The following C8orf76 variants were observed in gnomAD, a reference collection of about 807,000 sequenced individuals.
The protein encoded by C8orf76 is uncharacterized protein C8orf76.
A neutral mutation model predicts 38.1 loss-of-function variants in C8orf76; 46 were observed. The ratio of observed to expected loss-of-function variants is 1.21; its 90% CI spans 0.95 to 1.54. The LOEUF is 1.54. C8orf76 is among the 40% of genes most tolerant of loss of function. C8orf76 has a pLI of 0.00. For missense variants in C8orf76, 461 were observed against 441.6 expected (o/e 1.04, Z -0.39); for synonymous variants, 166 against 167.5 (o/e 0.99, Z 0.07).
In C8orf76 at chr8:123,231,179, G is replaced by A. The variant is rs73341737; in HGVS notation, c.815+121C>T. The A allele has an allele frequency of 2.0e-4, 253 of 1,281,098 alleles. 2 individuals carry two copies. The African/African-American group carries it at 3.6e-3, about 18-fold the overall frequency. 79.4% of individuals were successfully genotyped at this position (1,281,098 alleles called of 1,614,324 possible). ...ATGACAAACGTTCAACACAACCATA[G>A]GAAAATTTCAAAAATATATACCAAA... On this transcript the variant is annotated intron_variant, in intron 4 of 5. Transcript: ENST00000276704.
At chr8:123,225,412 A>G (rs1825009757) in intron 5 of C8orf76, among the ~76,000 whole-genome samples, 1 of 152,194 alleles carries the variant, frequency 6.6e-6, no homozygotes, top group Non-Finnish European at 1.5e-5. Flanking sequence ...TGTCCCAGAG[A>G]TGAGACTAGA....
In C8orf76 at chr8:123,232,271, C is replaced by T. The variant is rs1825299182; in HGVS notation, c.358-514G>A. ...CAGGATAGCCCTGAAGCTCTCCATG[C>T]TTCATGACGCATTCTAATTGAATCC... On this transcript the variant is annotated intron_variant, in intron 3 of 5. Coordinates refer to ENST00000276704, the MANE Select transcript of C8orf76 (RefSeq NM_032847.3). 2.0e-5 allele frequency among the ~76,000 whole-genome samples: 3 copies of T among 152,240 alleles called. No homozygotes were observed. The South Asian group carries it at 6.2e-4, about 32-fold the overall frequency.
At chr8:123,237,475 A>T (rs977962243) in intron 3 of C8orf76, among the ~76,000 whole-genome samples, 2 of 152,214 alleles carry the variant, frequency 1.3e-5, no homozygotes, top group African/African-American at 4.8e-5. Flanking sequence ...AACGTCTAAA[A>T]ACAATCTAAC....
At chr8:123,237,314 GA>G (rs895900281) in intron 3 of C8orf76, among the ~76,000 whole-genome samples, 27 of 151,822 alleles carry the variant, frequency 1.8e-4, no homozygotes, top group African/African-American at 6.0e-4. Flanking sequence ...GTTGACTGGG[GA>G]AAAGGAAAAA....
At chr8:123,226,344 C>T (rs898609952) in intron 5 of C8orf76, 156 bp downstream of exon 5, 7 of 1,470,026 alleles carry the variant, frequency 4.8e-6, no homozygotes, top group East Asian at 2.5e-5. Flanking sequence ...ATCAAGAGGC[C>T]GCCTTGGTGA....
At chr8:123,223,307 G>T (rs1410375220) in intron 5 of C8orf76, among the ~76,000 whole-genome samples, 2 of 152,118 alleles carry the variant, frequency 1.3e-5, no homozygotes, top group African/African-American at 4.8e-5. Flanking sequence ...ATACCCAAAA[G>T]AATTAAAAAC....
chr8:123,237,304 G>A (rs1470601946), intron 3 of C8orf76, among the ~76,000 whole-genome samples: 2 of 151,962 alleles, frequency 1.3e-5, no homozygotes, highest in South Asian at 2.1e-4. Flanking sequence ...TGTCCCTTTC[G>A]TTGACTGGGG....
chr8:123,223,609 A>G (rs1156685911), intron 5 of C8orf76, among the ~76,000 whole-genome samples: 2 of 152,326 alleles, frequency 1.3e-5, no homozygotes, highest in East Asian at 3.9e-4. Context: ...CTCCGTCTCA[A>G]ACAAAAAAAA....
chr8:123,232,063 C>T (rs964919164), intron 3 of C8orf76, among the ~76,000 whole-genome samples: 6 of 152,172 alleles, frequency 3.9e-5, no homozygotes, highest in African/African-American at 1.4e-4. Context: ...CATTTATTTC[C>T]AATTTTTATT....
intron 5 of C8orf76, chr8:123,226,094 C>T: frequency 1.0e-6 from 1 of 980,608 alleles, no homozygotes; most frequent in Non-Finnish European, 1.2e-6. Flanking sequence ...TGACCGCAGG[C>T]AAGTCACAAG....
intron 1 of C8orf76, 159 bp from the exon 2 acceptor site, chr8:123,239,303 C>T: frequency 1.5e-6 from 1 of 666,144 alleles, no homozygotes; most frequent in Non-Finnish European, 2.4e-6. Flanking sequence ...AGTGATCCTG[C>T]CTCTGCCCAC....
chr8:123,241,148 G>T, intron 1 of C8orf76, 82 bp downstream of exon 1: 1 of 1,384,180 alleles, frequency 7.2e-7, no homozygotes, highest in Non-Finnish European at 9.5e-7. Context: ...CGCGCGGACG[G>T]AGGGGCCGAG....
intron 1 of C8orf76, among the ~76,000 whole-genome samples, chr8:123,240,524 A>C (rs1452560108): frequency 3.3e-5 from 5 of 152,254 alleles, no homozygotes; most frequent in Non-Finnish European, 7.3e-5. Flanking sequence ...AAGAATAGGA[A>C]GTAATACTCT....
intron 3 of C8orf76, among the ~76,000 whole-genome samples, chr8:123,232,700 G>T (rs1013290982): frequency 5.3e-5 from 8 of 152,218 alleles, no homozygotes; most frequent in African/African-American, 1.9e-4. Context: ...TGAGTGAAAA[G>T]ATAGGAGATA....
intron 5 of C8orf76, among the ~76,000 whole-genome samples, chr8:123,224,938 A>G (rs1824990677): frequency 6.6e-6 from 1 of 152,204 alleles, no homozygotes; most frequent in Non-Finnish European, 1.5e-5. Context: ...CACAGAGCAG[A>G]ATATTCCGGA....
intron 5 of C8orf76, among the ~76,000 whole-genome samples, chr8:123,221,809 G>A (rs1350268220): frequency 2.0e-5 from 3 of 152,084 alleles, no homozygotes; most frequent in South Asian, 2.1e-4. Context: ...CTTGGGAGGC[G>A]GAGGTGGGAA....
chr8:123,224,590 A>G (rs139965083), intron 5 of C8orf76, among the ~76,000 whole-genome samples: 179 of 152,332 alleles, frequency 1.2e-3, no homozygotes, highest in African/African-American at 4.1e-3. Context: ...TAGCCTGAGT[A>G]ACAGAATGAG....
At chr8:123,223,435 C>T (rs1465980175) in intron 5 of C8orf76, among the ~76,000 whole-genome samples, 1 of 152,084 alleles carries the variant, frequency 6.6e-6, no homozygotes, top group Non-Finnish European at 1.5e-5. Context: ...TGGTGAAAGC[C>T]CTTCTCTACT....
At chr8:123,240,645 GACTTT>G (rs922504997) in intron 1 of C8orf76, among the ~76,000 whole-genome samples, 8 of 152,218 alleles carry the variant, frequency 5.3e-5, no homozygotes, top group Admixed American at 1.3e-4. Context: ...CGGGTCTCAG[GACTTT>G]GTGGGAATAC....
Sources: allele counts gnomAD v4.1 joint callset (sites outside exome capture counted in the v4.1 genomes callset), GRCh38; gene constraint gnomAD v4.1.1; transcripts MANE v1.5; gene names NCBI Gene and HGNC (gene_info 2026-07-23, HGNC 2026-07-21).